ZDHHC7: variants seen among roughly 807,000 people sequenced by gnomAD.
The protein encoded by ZDHHC7 is palmitoyltransferase ZDHHC7.
Under a neutral mutation model 34.1 loss-of-function variants are expected in ZDHHC7, and 12 were observed. That is an observed-to-expected ratio of 0.35 (90% CI 0.23 to 0.57). ZDHHC7 has a LOEUF of 0.57. ZDHHC7 is among the 20% of genes least tolerant of loss of function. The pLI, the probability that ZDHHC7 is intolerant of heterozygous loss-of-function variation, is 0.84. For missense variants in ZDHHC7, 388 were observed against 402.7 expected (o/e 0.96, Z 0.31); for synonymous variants, 185 against 155.4 (o/e 1.19, Z -1.42).
chr16:85,023,238 C>G, the ZDHHC7 span, among the ~76,000 whole-genome samples: 1 of 150,980 alleles, frequency 6.6e-6, no homozygotes, highest in East Asian at 1.9e-4. Flanking sequence ...GCAATTTCAG[C>G]TTACTGCAAC....
chr16:85,012,959 C>G (rs35475041), upstream of ZDHHC7, among the ~76,000 whole-genome samples: 61,756 of 151,838 alleles, frequency 0.41, 13,760 homozygotes, highest in African/African-American at 0.6. Flanking sequence ...TATGCCTCTT[C>G]GACAGAAAAA....
the ZDHHC7 span, among the ~76,000 whole-genome samples, chr16:85,019,066 CACTG>C: frequency 6.6e-6 from 1 of 152,176 alleles, no homozygotes; most frequent in South Asian, 2.1e-4. Flanking sequence ...GTGGGCCACT[CACTG>C]AGTGCCAAGC....
upstream of ZDHHC7, among the ~76,000 whole-genome samples, chr16:85,013,707 G>C (rs2072822498): frequency 6.6e-6 from 1 of 151,758 alleles, no homozygotes; most frequent in African/African-American, 2.4e-5. Flanking sequence ...TTTTGTTTTT[G>C]AGATAGACTC....
intron 2 of ZDHHC7, among the ~76,000 whole-genome samples, chr16:84,994,488 T>C (rs891985804): frequency 2.0e-5 from 3 of 152,216 alleles, no homozygotes; most frequent in African/African-American, 7.2e-5. Flanking sequence ...AGCACAATGT[T>C]TGGGCAGTCT....
At chr16:84,998,946 G>C (rs960967028) in intron 1 of ZDHHC7, among the ~76,000 whole-genome samples, 3 of 151,942 alleles carry the variant, frequency 2.0e-5, no homozygotes, top group East Asian at 3.9e-4. Context: ...GTAGAAACAG[G>C]GTTTCACCAT....
At chr16:85,020,018 A>G in the ZDHHC7 span, among the ~76,000 whole-genome samples, 1 of 152,218 alleles carries the variant, frequency 6.6e-6, no homozygotes, top group Non-Finnish European at 1.5e-5. Context: ...GACCAAATGA[A>G]GTACAGGAGC....
At chr16:84,994,360 C>G (rs1386483676) in intron 2 of ZDHHC7, among the ~76,000 whole-genome samples, 1 of 152,222 alleles carries the variant, frequency 6.6e-6, no homozygotes, top group African/African-American at 2.4e-5. Context: ...AGGCCGTAAG[C>G]TGAAAAATTC....
At chr16:84,983,394 C>G (rs2143584607) in intron 3 of ZDHHC7, among the ~76,000 whole-genome samples, 1 of 152,256 alleles carries the variant, frequency 6.6e-6, no homozygotes, top group Middle Eastern at 3.4e-3. Flanking sequence ...GGTTGACATC[C>G]AAATTTTAGA....
chr16:85,006,406 A>G (rs2072717511), intron 1 of ZDHHC7, among the ~76,000 whole-genome samples: 1 of 152,106 alleles, frequency 6.6e-6, no homozygotes, highest in Non-Finnish European at 1.5e-5. Context: ...ATAAAATTAA[A>G]TAATTTTAAA....
intron 1 of ZDHHC7, among the ~76,000 whole-genome samples, chr16:84,996,554 G>A (rs2072579595): frequency 6.6e-6 from 1 of 152,126 alleles, no homozygotes; most frequent in Non-Finnish European, 1.5e-5. Flanking sequence ...AGATGGGAGG[G>A]TCGAGGAATC....
intron 2 of ZDHHC7, among the ~76,000 whole-genome samples, chr16:84,994,214 C>T (rs887798504): frequency 1.3e-5 from 2 of 152,202 alleles, no homozygotes; most frequent in Non-Finnish European, 1.5e-5. Flanking sequence ...TGCTGTCTGG[C>T]GCACAGCAAG....
chr16:84,982,276 T>C (rs1013901276), intron 3 of ZDHHC7, among the ~76,000 whole-genome samples: 2 of 148,302 alleles, frequency 1.3e-5, no homozygotes, highest in Non-Finnish European at 3.0e-5. Flanking sequence ...ACTCAGGAGG[T>C]AGAGGTTGCA....
intron 5 of ZDHHC7, 145 bp downstream of exon 5, chr16:84,979,044 G>T (rs749168193): frequency 5.4e-6 from 4 of 734,488 alleles, no homozygotes; most frequent in Non-Finnish European, 8.5e-6. Flanking sequence ...TCCTGCCAAT[G>T]ACAGCACAGT....
chr16:84,975,480 A>C lies in ZDHHC7; in HGVS notation c.*863T>G, dbSNP rs1440700915. On this transcript the variant is annotated 3_prime_UTR_variant, in exon 8 of 8. Transcript: ENST00000313732. ...AAAAAAATCAGTTCCAAGGCCCTCA[A>C]GCACTCAAGATTTCTTTAAAAAATG... The C allele has an allele frequency of 6.6e-6, 1 of 152,588 alleles. No homozygotes were observed. Among genetic ancestry groups the C allele is most frequent in the African/African-American group, 2.4e-5 (1 of 41,444 alleles). The allele number at this position is 152,588 out of a possible 1,614,324, so 9.5% of individuals were successfully genotyped here.
intron 1 of ZDHHC7, among the ~76,000 whole-genome samples, chr16:85,006,202 T>A (rs8054671): frequency 0.022 from 3,369 of 151,772 alleles, 136 homozygotes; most frequent in African/African-American, 0.078. Context: ...ACAAAAAAAA[T>A]TTTTTAATTA....
chr16:85,003,962 G>C (rs955326349), intron 1 of ZDHHC7, among the ~76,000 whole-genome samples: 3 of 152,042 alleles, frequency 2.0e-5, no homozygotes, highest in Non-Finnish European at 4.4e-5. Context: ...CTTAGTCCTC[G>C]GCCTTCCCTT....
At chr16:85,018,350 G>A in the ZDHHC7 span, among the ~76,000 whole-genome samples, 1 of 152,304 alleles carries the variant, frequency 6.6e-6, no homozygotes, top group Non-Finnish European at 1.5e-5. Context: ...GGGAGCGTGG[G>A]GGGCAGGGTG....
the ZDHHC7 span, among the ~76,000 whole-genome samples, chr16:85,022,866 A>G: frequency 6.6e-6 from 1 of 152,210 alleles, no homozygotes; most frequent in Non-Finnish European, 1.5e-5. Flanking sequence ...ATAAGGGAAC[A>G]ATCAGGAAAA....
chr16:84,978,847 A>G (rs1464567976), intron 5 of ZDHHC7, among the ~76,000 whole-genome samples: 1 of 149,130 alleles, frequency 6.7e-6, no homozygotes, highest in Non-Finnish European at 1.5e-5. Flanking sequence ...GGGCAACAAG[A>G]GCAAAACTCC....
Sources: allele counts gnomAD v4.1 joint callset (sites outside exome capture counted in the v4.1 genomes callset), GRCh38; gene constraint gnomAD v4.1.1; transcripts MANE v1.5; gene names NCBI Gene and HGNC (gene_info 2026-07-23, HGNC 2026-07-21).